Variants in METTL15 observed in about 807,000 individuals in gnomAD.
METTL15 encodes the protein methyltransferase 15, mitochondrial 12S rRNA N4-cytidine, also known as 12S rRNA N(4)-cytidine methyltransferase METTL15.
METTL15 carries 34 observed loss-of-function variants against 38.3 expected under a neutral mutation model. The ratio of observed to expected loss-of-function variants is 0.89; its 90% CI spans 0.68 to 1.18. METTL15 has a LOEUF of 1.18. Ranked by LOEUF, METTL15 falls within the 50% of genes most tolerant of loss-of-function variation. METTL15 has a pLI of 0.00. For synonymous variants in METTL15, 162 were observed against 170.9 expected (o/e 0.95, Z 0.41); for missense variants, 438 against 498.4 (o/e 0.88, Z 1.15).
At chr11:28,529,861 T>C (rs889549082), downstream of METTL15, among the ~76,000 whole-genome samples, 3 of 152,174 alleles carry the variant, frequency 2.0e-5, no homozygotes, top group Admixed American at 2.0e-4. Context: ...ATAAATCTTA[T>C]GTTTCAAATG....
rs552411400 is a variant in METTL15 at position 28,215,101 on chromosome 11, A to G, written c.407+3903A>G. On this transcript the variant is annotated intron_variant, in intron 4 of 6. Transcript: ENST00000407364. ...AGTATGGAGAGCATGTAGAACTATG[A>G]TTGGACAAAAAGGATATATGGTCTA... 2.6e-3 allele frequency among the ~76,000 whole-genome samples: 394 copies of G among 152,320 alleles called. 2 individuals are homozygous for G. The highest frequency in any genetic ancestry group is 4.3e-3 in the Non-Finnish European group (290 of 68,032).
intron 6 of METTL15, among the ~76,000 whole-genome samples, chr11:28,319,393 G>A (rs1356695168): frequency 1.3e-5 from 2 of 151,494 alleles, no homozygotes; most frequent in Non-Finnish European, 2.9e-5. Context: ...GAAACGGAAA[G>A]AAGCTCAACA....
At position 28,141,041 on chromosome 11, in the gene METTL15, C is replaced by T. The variant is rs1849682565; in HGVS notation, c.270+27437C>T. Among the ~76,000 whole-genome samples, 4 of 152,288 alleles carry T rather than the reference C, an allele frequency of 2.6e-5. No individual in the cohort carries two copies. In the South Asian group the frequency reaches 8.3e-4, roughly 32 times the overall value. ...GCCCAGAAAGTTAATATGCTGAGAA[C>T]AGCAGTAGTTGCAGCAGAGATAGTG... On this transcript the variant is annotated intron_variant, in intron 3 of 6. Transcript: ENST00000407364.
chr11:28,283,149 T>C (rs769088895), intron 4 of METTL15, among the ~76,000 whole-genome samples: 7 of 152,196 alleles, frequency 4.6e-5, no homozygotes, highest in Non-Finnish European at 1.0e-4. Context: ...GATAAACGAA[T>C]AGATGTTTTT....
At chr11:28,237,393 T>C (rs1854046709) in intron 4 of METTL15, among the ~76,000 whole-genome samples, 1 of 152,246 alleles carries the variant, frequency 6.6e-6, no homozygotes, top group South Asian at 2.1e-4. Flanking sequence ...ATTGATCGCA[T>C]TGGCTCTTGA....
chr11:28,150,969 A>T (rs532658598), intron 3 of METTL15, among the ~76,000 whole-genome samples: 11 of 144,066 alleles, frequency 7.6e-5, no homozygotes, highest in Admixed American at 2.1e-4. Flanking sequence ...TCAGATTAAG[A>T]GGAGGAAATT....
chr11:28,253,776 A>G (rs1423332149), intron 4 of METTL15, among the ~76,000 whole-genome samples: 3 of 152,088 alleles, frequency 2.0e-5, no homozygotes, highest in Non-Finnish European at 4.4e-5. Context: ...AATGACCTCC[A>G]GTTCCATTCA....
chr11:28,170,571 G>A (rs1173779609), intron 3 of METTL15, among the ~76,000 whole-genome samples: 1 of 152,124 alleles, frequency 6.6e-6, no homozygotes, highest in Non-Finnish European at 1.5e-5. Flanking sequence ...GCTAAACTAG[G>A]GGTGTATTAT....
At chr11:28,201,269 G>C (rs1288333655) in intron 3 of METTL15, among the ~76,000 whole-genome samples, 3 of 151,992 alleles carry the variant, frequency 2.0e-5, no homozygotes, top group African/African-American at 7.3e-5. Context: ...GAAGTTTTTT[G>C]GTGTGCTGCT....
downstream of METTL15, among the ~76,000 whole-genome samples, chr11:28,527,290 G>A (rs1851818925): frequency 6.6e-6 from 1 of 152,168 alleles, no homozygotes; most frequent in Non-Finnish European, 1.5e-5. Context: ...GGCACATTGG[G>A]TAAAGAAAGT....
At chr11:28,130,740 A>T (rs144558140) in intron 3 of METTL15, among the ~76,000 whole-genome samples, 151 of 152,312 alleles carry the variant, frequency 9.9e-4, no homozygotes, top group African/African-American at 3.4e-3. Flanking sequence ...TTGACCACTT[A>T]AATATGACAT....
At chr11:28,496,087 G>A (rs1851533361) in intron 6 of METTL15, among the ~76,000 whole-genome samples, 1 of 152,102 alleles carries the variant, frequency 6.6e-6, no homozygotes, top group Non-Finnish European at 1.5e-5. Flanking sequence ...AATGATTAAT[G>A]AGTGTATTAA....
chr11:28,233,760 G>T (rs1380949258), intron 4 of METTL15, among the ~76,000 whole-genome samples: 1 of 151,708 alleles, frequency 6.6e-6, no homozygotes, highest in African/African-American at 2.4e-5. Flanking sequence ...GCCATCAGTT[G>T]TCTATATTCA....
At chr11:28,373,145 A>C (rs1170088593) in intron 5 of METTL15, among the ~76,000 whole-genome samples, 4 of 152,128 alleles carry the variant, frequency 2.6e-5, no homozygotes, top group Admixed American at 2.0e-4. Context: ...CAGTAATGGG[A>C]TGGCTGGGTC....
chr11:28,435,222 A>G (rs1206659722), intron 6 of METTL15, among the ~76,000 whole-genome samples: 1 of 152,208 alleles, frequency 6.6e-6, no homozygotes, highest in Non-Finnish European at 1.5e-5. Flanking sequence ...TGTGATCTAC[A>G]TCAGGTTCAT....
At chr11:28,438,600 CA>C (rs759000839) in intron 6 of METTL15, among the ~76,000 whole-genome samples, 3 of 151,902 alleles carry the variant, frequency 2.0e-5, no homozygotes, top group Non-Finnish European at 2.9e-5. Context: ...TGTATTTTAT[CA>C]ACCACCCCAC....
chr11:28,381,058 A>T (rs979009090), intron 5 of METTL15, among the ~76,000 whole-genome samples: 2 of 152,150 alleles, frequency 1.3e-5, no homozygotes, highest in African/African-American at 2.4e-5. Context: ...TGGCATGTTC[A>T]TAGCTCACTG....
At chr11:28,382,833 C>G (rs1458626899) in intron 5 of METTL15, among the ~76,000 whole-genome samples, 1 of 148,286 alleles carries the variant, frequency 6.7e-6, no homozygotes, top group African/African-American at 2.5e-5. Flanking sequence ...GAAACTCCGT[C>G]TCAAAAAAAA....
At chr11:28,384,557 G>T (rs543767939) in intron 5 of METTL15, among the ~76,000 whole-genome samples, 1 of 152,168 alleles carries the variant, frequency 6.6e-6, no homozygotes, top group East Asian at 1.9e-4. Context: ...TGATGCACTT[G>T]CCTTGGCCTC....
Sources: gnomAD v4.1 joint callset for allele counts (sites outside exome capture counted in the v4.1 genomes callset) on GRCh38, gnomAD v4.1.1 for gene constraint, MANE v1.5 for transcripts, NCBI Gene and HGNC (gene_info 2026-07-23, HGNC 2026-07-21) for gene names.